The following VPS53 variants were observed in gnomAD, a reference collection of about 807,000 sequenced individuals.
VPS53 encodes the protein vacuolar protein sorting-associated protein 53 homolog.
VPS53 carries 70 observed loss-of-function variants against 107.0 expected under a neutral mutation model. That is an observed-to-expected ratio of 0.65 (90% CI 0.54 to 0.80). The LOEUF is 0.80. Among genes scored for constraint, VPS53 ranks in the 30% least tolerant of loss-of-function variants. The pLI, the probability that VPS53 is intolerant of heterozygous loss-of-function variation, is 0.00. For synonymous variants in VPS53, 409 were observed against 393.3 expected, an observed-to-expected ratio of 1.04 and a Z score of -0.47; for missense variants, 917 against 1,049.4, an observed-to-expected ratio of 0.87 and a Z score of 1.74.
At chr17:697,301 T>A (rs1357991760) in intron 4 of VPS53, 117 bp downstream of exon 4, 2 of 862,330 alleles carry the variant, frequency 2.3e-6, no homozygotes, top group Non-Finnish European at 3.9e-6. Flanking sequence ...TGTCCTGCCA[T>A]GTATGAAACG....
Position 623,815 on chromosome 17 carries a change from T to C in VPS53, c.975-141A>G. ...ACCCTGAGGTCTGTTACCACCTTAG[T>C]CTAAAACCTGGGGAATAGAAATACA... On this transcript the variant is annotated intron_variant, in intron 10 of 21. Coordinates refer to ENST00000437048, the MANE Select transcript of VPS53 (RefSeq NM_001128159.3). 5 of 880,028 alleles carry C rather than the reference T, an allele frequency of 5.7e-6. No individual in the cohort carries two copies. In the South Asian group the frequency reaches 1.4e-4, roughly 24 times the overall value. The allele number at this position is 880,028 out of a possible 1,614,324, so 54.5% of individuals were successfully genotyped here. A position where few individuals can be genotyped will look rare whatever the true frequency, so the allele number is the denominator to read the frequency against.
chr17:632,036 C>A (rs1387716197), intron 7 of VPS53, among the ~76,000 whole-genome samples: 2 of 152,144 alleles, frequency 1.3e-5, no homozygotes, highest in Non-Finnish European at 2.9e-5. Context: ...TCGCTTGAGA[C>A]CAGGATTTCA....
chr17:660,848 G>A (rs1354476380), intron 5 of VPS53, among the ~76,000 whole-genome samples: 1 of 152,162 alleles, frequency 6.6e-6, no homozygotes, highest in Non-Finnish European at 1.5e-5. Context: ...AGTTGAAGAA[G>A]CTGGAATTCT....
At chr17:593,210 A>C (rs1967768216) in intron 12 of VPS53, among the ~76,000 whole-genome samples, 1 of 152,026 alleles carries the variant, frequency 6.6e-6, no homozygotes, top group Non-Finnish European at 1.5e-5. Flanking sequence ...AAAACCCTAG[A>C]AGAAAACCTA....
chr17:536,856 T>G, intron 18 of VPS53, 172 bp downstream of exon 18: 1 of 749,262 alleles, frequency 1.3e-6, no homozygotes, highest in Non-Finnish European at 2.1e-6. Flanking sequence ...ATGTGCCACT[T>G]TGTGTGTGGG....
At chr17:586,415 G>A in intron 12 of VPS53, 51 bp from the exon 13 acceptor site, 1 of 1,556,894 alleles carries the variant, frequency 6.4e-7, no homozygotes, top group Non-Finnish European at 8.8e-7. Context: ...CTTTGCAAAT[G>A]TTCAAGAATT....
chr17:533,693 A>G (rs572440856), intron 18 of VPS53, among the ~76,000 whole-genome samples: 1 of 152,214 alleles, frequency 6.6e-6, no homozygotes. Flanking sequence ...AACCTAGTTC[A>G]TTATGCTCAT....
rs1909023458 is a variant in VPS53, at chr17:524,978, C to T, written c.2086-3240G>A. ...AGAGGAATTCTTGCCCATGTAAAAA[C>T]GTTCCCTGCATCCGCTATTTATAAA... On this transcript the variant is annotated intron_variant, in intron 19 of 21. Transcript: ENST00000437048. The surrounding 1 kb of genome is among the most constrained non-coding windows in gnomAD (Gnocchi z 4.5). Among the ~76,000 whole-genome samples the T allele has an allele frequency of 1.3e-5, 2 of 150,560 alleles. No individual in the cohort carries two copies. The highest frequency in any genetic ancestry group is 1.5e-5 in the Non-Finnish European group (1 of 67,010).
intron 3 of VPS53, among the ~76,000 whole-genome samples, chr17:698,637 A>C (rs1481740654): frequency 6.6e-6 from 1 of 151,824 alleles, no homozygotes; most frequent in African/African-American, 2.4e-5. Context: ...CAGGAGTTCG[A>C]GGCTGCAGTG....
At position 537,180 on chromosome 17, in the gene VPS53, AAAGGGAG is replaced by A. The variant is rs1334801298; in HGVS notation, c.1867-11_1867-5del. The A allele has an allele frequency of 1.2e-6, 2 of 1,613,882 alleles. No homozygotes were observed. The highest frequency in any genetic ancestry group is 1.7e-6 in the Non-Finnish European group (2 of 1,179,932). ...GCTCCACGTTCTGCCACTGCATCTGAAAGGGAGAAAGGATGAGGCGTTGAATCCCTCG... is the reference window on the plus strand; with the variant it reads ...GCTCCACGTTCTGCCACTGCATCTGAAAAGGATGAGGCGTTGAATCCCTCG... On this transcript the variant is annotated splice_polypyrimidine_tract_variant and splice_region_variant and intron_variant, in intron 17 of 21. Coordinates refer to ENST00000437048, the MANE Select transcript of VPS53 (RefSeq NM_001128159.3).
At chr17:540,200 T>C (rs1910517123) in intron 17 of VPS53, among the ~76,000 whole-genome samples, 1 of 152,024 alleles carries the variant, frequency 6.6e-6, no homozygotes, top group South Asian at 2.1e-4. Flanking sequence ...TTTTTCATTT[T>C]TTTTTGAGAC....
chr17:666,133 G>A (rs2143652037), intron 4 of VPS53, among the ~76,000 whole-genome samples: 1 of 152,310 alleles, frequency 6.6e-6, no homozygotes, highest in East Asian at 1.9e-4. Context: ...GAGATGATAT[G>A]TAAGTCTGTA....
In VPS53 at chr17:667,276, A is replaced by C. The variant is rs551725685; in HGVS notation, c.286-5381T>G. Reference sequence around the variant, plus strand: ...TAAAATATTTACTATCCAGCCCTTAACAGAAAGCTTGCTGACCCTGGTATA... The same window carrying C: ...TAAAATATTTACTATCCAGCCCTTACCAGAAAGCTTGCTGACCCTGGTATA... On this transcript the variant is annotated intron_variant, in intron 4 of 21. Coordinates refer to ENST00000437048, the MANE Select transcript of VPS53 (RefSeq NM_001128159.3). Among the ~76,000 whole-genome samples the C allele has an allele frequency of 6.6e-5, 10 of 151,692 alleles. No homozygotes were observed. The South Asian group carries it at 1.3e-3, about 19-fold the overall frequency.
chr17:630,158 G>A (rs1969893217), intron 8 of VPS53, among the ~76,000 whole-genome samples: 1 of 152,116 alleles, frequency 6.6e-6, no homozygotes, highest in South Asian at 2.1e-4. Context: ...GCCAGGTGTG[G>A]TGGCAGGTGC....
At chr17:541,656 C>T (rs914226364) in intron 17 of VPS53, among the ~76,000 whole-genome samples, 9 of 144,992 alleles carry the variant, frequency 6.2e-5, no homozygotes, top group Non-Finnish European at 4.6e-5. Flanking sequence ...GGACCTACCA[C>T]GCACCGGGCG....
chr17:563,530 G>C (rs935410699), intron 13 of VPS53, among the ~76,000 whole-genome samples: 21 of 152,132 alleles, frequency 1.4e-4, no homozygotes, highest in Admixed American at 5.2e-4. Flanking sequence ...CTGACCTCAG[G>C]TGATCCACCC....
chr17:527,623 T>C (rs1909221395), intron 19 of VPS53, among the ~76,000 whole-genome samples: 1 of 152,196 alleles, frequency 6.6e-6, no homozygotes, highest in South Asian at 2.1e-4. Flanking sequence ...TAAATTATTA[T>C]TATGATTAGA....
chr17:516,234 G>T lies in VPS53; in HGVS notation c.*2894C>A, dbSNP rs117264758. 1 of 152,220 alleles carries T rather than the reference G, an allele frequency of 6.6e-6. No individual in the cohort carries two copies. Among genetic ancestry groups the T allele is most frequent in the South Asian group, 2.1e-4 (1 of 4,820 alleles). The allele number at this position is 152,220 out of a possible 1,614,324, so 9.4% of individuals were successfully genotyped here. On this transcript the variant is annotated 3_prime_UTR_variant, in exon 22 of 22. Coordinates refer to ENST00000437048, the MANE Select transcript of VPS53 (RefSeq NM_001128159.3). ...AGACATGTATGAAAATGCGTGGCAG[G>T]AGCCCTTCCATAAAGCAAATCTCTC...
At position 623,686 on chromosome 17, in the gene VPS53, A is replaced by G. The variant is rs1461682548; in HGVS notation, c.975-12T>C. 1.5e-5 allele frequency: 24 copies of G among 1,607,228 alleles called. No homozygotes were observed. Among genetic ancestry groups the G allele is most frequent in the Non-Finnish European group, 2.0e-5 (23 of 1,175,012 alleles). ...TGGCAAGTTCTGCCCTTCAAAACAA[A>G]GAGATAAGAATACTATCAAACAAGC... On this transcript the variant is annotated splice_polypyrimidine_tract_variant and intron_variant, in intron 10 of 21. Coordinates refer to ENST00000437048, the MANE Select transcript of VPS53 (RefSeq NM_001128159.3).
Sources: gnomAD v4.1 joint callset for allele counts (sites outside exome capture counted in the v4.1 genomes callset) on GRCh38, gnomAD v4.1.1 for gene constraint, Gnocchi (gnomAD v3.1) non-coding constraint, MANE v1.5 for transcripts, NCBI Gene and HGNC (gene_info 2026-07-23, HGNC 2026-07-21) for gene names.